Variants in BFSP1 observed in about 807,000 individuals in gnomAD.
BFSP1 encodes filensin.
In BFSP1, 38 loss-of-function variants were observed where a neutral mutation model predicts 43.9. The observed-to-expected ratio is 0.87, with a 90% CI of 0.67 to 1.14. BFSP1 has a LOEUF of 1.14. Among genes scored for constraint, BFSP1 ranks in the 50% most tolerant of loss-of-function variants. The pLI is 0.00. For missense variants in BFSP1, 850 were observed against 875.1 expected, an observed-to-expected ratio of 0.97 and a Z score of 0.36; for synonymous variants, 352 against 354.8, an observed-to-expected ratio of 0.99 and a Z score of 0.09.
intron 5 of BFSP1, among the ~76,000 whole-genome samples, chr20:17,503,355 C>T (rs140941796): frequency 9.1e-4 from 139 of 152,306 alleles, no homozygotes; most frequent in African/African-American, 3.1e-3. Context: ...TGTTTGAAAT[C>T]TTCCATAATA....
chr20:17,518,258 A>G (rs937117535), intron 2 of BFSP1, among the ~76,000 whole-genome samples: 10 of 152,184 alleles, frequency 6.6e-5, no homozygotes, highest in Admixed American at 1.3e-4. Flanking sequence ...TGAACTGTCC[A>G]AACTACAAGA....
intron 6 of BFSP1, among the ~76,000 whole-genome samples, chr20:17,497,605 T>C (rs868513082): frequency 1.3e-4 from 16 of 121,894 alleles, no homozygotes; most frequent in South Asian, 1.2e-3. Context: ...TGTATATATA[T>C]ACGTATATAT....
At chr20:17,504,792 C>T (rs772854223) in intron 5 of BFSP1, among the ~76,000 whole-genome samples, 3 of 152,218 alleles carry the variant, frequency 2.0e-5, no homozygotes, top group African/African-American at 7.2e-5. Context: ...TGTCTCCCCA[C>T]TGGGCTGTGA....
At chr20:17,515,036 C>T (rs555903954) in intron 2 of BFSP1, among the ~76,000 whole-genome samples, 9 of 152,238 alleles carry the variant, frequency 5.9e-5, no homozygotes, top group African/African-American at 2.2e-4. Flanking sequence ...GGTGATTTTG[C>T]CCCCCAAGGG....
chr20:17,508,048 G>C (rs1423567401), intron 5 of BFSP1, among the ~76,000 whole-genome samples: 2 of 152,196 alleles, frequency 1.3e-5, no homozygotes, highest in African/African-American at 4.8e-5. Context: ...CATCCAAATG[G>C]TCCAGGCTTT....
intron 1 of BFSP1, among the ~76,000 whole-genome samples, chr20:17,538,042 G>A (rs1314852945): frequency 6.6e-6 from 1 of 151,850 alleles, no homozygotes; most frequent in Non-Finnish European, 1.5e-5. Flanking sequence ...GATCACTTGA[G>A]CCTGGGAGGC....
At chr20:17,505,725 C>A (rs968095080) in intron 5 of BFSP1, among the ~76,000 whole-genome samples, 6 of 152,236 alleles carry the variant, frequency 3.9e-5, no homozygotes, top group African/African-American at 1.4e-4. Flanking sequence ...CCCTGGGACC[C>A]GCCCTTACCC....
At chr20:17,537,935 T>A (rs1213001450) in intron 1 of BFSP1, among the ~76,000 whole-genome samples, 1 of 151,918 alleles carries the variant, frequency 6.6e-6, no homozygotes, top group Non-Finnish European at 1.5e-5. Context: ...CTGGGCAATA[T>A]AATGAGACCC....
At chr20:17,506,369 T>C (rs1389922834) in intron 5 of BFSP1, among the ~76,000 whole-genome samples, 2 of 152,108 alleles carry the variant, frequency 1.3e-5, no homozygotes, top group African/African-American at 2.4e-5. Context: ...ACACGGGTGC[T>C]GGTGGTGACT....
At chr20:17,515,286 A>C (rs944621908) in intron 2 of BFSP1, among the ~76,000 whole-genome samples, 2 of 152,174 alleles carry the variant, frequency 1.3e-5, no homozygotes, top group African/African-American at 4.8e-5. Flanking sequence ...ATACCAAATA[A>C]AGTTAATATT....
intron 1 of BFSP1, among the ~76,000 whole-genome samples, chr20:17,542,076 A>G (rs1444847357): frequency 1.3e-5 from 2 of 152,130 alleles, no homozygotes; most frequent in Admixed American, 6.5e-5. Flanking sequence ...GAGTCAACAC[A>G]TCAATGTTCC....
At chr20:17,558,705 G>A in exon 1 of BFSP1, 1 of 1,551,952 alleles carries the variant, frequency 6.4e-7, no homozygotes, top group Admixed American at 2.0e-5. Context: ...CTCCAGCATG[G>A]AGGCTCCTTC....
chr20:17,555,907 AT>A (rs565333905), intron 1 of BFSP1, among the ~76,000 whole-genome samples: 4 of 152,202 alleles, frequency 2.6e-5, no homozygotes, highest in Non-Finnish European at 5.9e-5. Context: ...GGCCCATCAA[AT>A]ATTTAAAATA....
chr20:17,558,910 TAG>T, exon 1 of BFSP1: 1 of 509,428 alleles, frequency 2.0e-6, no homozygotes, highest in Non-Finnish European at 3.3e-6. Context: ...TTCCACAGGA[TAG>T]AGAATATAAA....
chr20:17,518,933 G>A (rs1422581597), intron 2 of BFSP1, among the ~76,000 whole-genome samples: 1 of 152,156 alleles, frequency 6.6e-6, no homozygotes, highest in South Asian at 2.1e-4. Context: ...GTTCCCGGAC[G>A]CATCCCACTC....
At chr20:17,527,750 AAG>A (rs10604740) in intron 1 of BFSP1, among the ~76,000 whole-genome samples, 70,579 of 150,368 alleles carry the variant, frequency 0.47, 17,158 homozygotes, top group African/African-American at 0.62. Flanking sequence ...AAAATAAAAT[AAG>A]AGAGAGAGAG....
chr20:17,496,347 G>T (rs1179254865), intron 7 of BFSP1, among the ~76,000 whole-genome samples: 1 of 152,216 alleles, frequency 6.6e-6, no homozygotes, highest in Non-Finnish European at 1.5e-5. Context: ...TGCTGCGCTT[G>T]TTCAGAACTG....
intron 1 of BFSP1, among the ~76,000 whole-genome samples, chr20:17,557,310 G>C (rs1458914618): frequency 6.6e-6 from 1 of 152,242 alleles, no homozygotes; most frequent in African/African-American, 2.4e-5. Context: ...CTTCCCAGCA[G>C]CTGGGTCAAA....
At chr20:17,544,520 C>G (rs760506843) in intron 1 of BFSP1, among the ~76,000 whole-genome samples, 1 of 152,116 alleles carries the variant, frequency 6.6e-6, no homozygotes, top group Non-Finnish European at 1.5e-5. Flanking sequence ...TAGATCAGCT[C>G]TCTAGAGATA....
Sources: allele counts gnomAD v4.1 joint callset (sites outside exome capture counted in the v4.1 genomes callset), GRCh38; gene constraint gnomAD v4.1.1; transcripts MANE v1.5; gene names NCBI Gene and HGNC (gene_info 2026-07-23, HGNC 2026-07-21).